WIPI2: variants seen among roughly 807,000 people sequenced by gnomAD.
The protein encoded by WIPI2 is WD repeat domain phosphoinositide-interacting protein 2.
A neutral mutation model predicts 52.3 loss-of-function variants in WIPI2; 28 were observed. That is an observed-to-expected ratio of 0.54 (90% CI 0.40 to 0.73). WIPI2 has a LOEUF of 0.73. Ranked by LOEUF, WIPI2 falls within the 30% of genes least tolerant of loss-of-function variation. The pLI, the probability that WIPI2 is intolerant of heterozygous loss-of-function variation, is 0.00. For synonymous variants in WIPI2, 268 were observed against 245.0 expected (o/e 1.09, Z -0.88); for missense variants, 506 against 602.9 (o/e 0.84, Z 1.68).
At chr7:5,199,037 T>C (rs989719368) in intron 2 of WIPI2, among the ~76,000 whole-genome samples, 3 of 152,220 alleles carry the variant, frequency 2.0e-5, no homozygotes, top group African/African-American at 7.2e-5. Flanking sequence ...TTTCTTTTCT[T>C]GAGACAGTAT....
At chr7:5,199,763 C>T (rs549530223) in intron 3 of WIPI2, 105 bp downstream of exon 3, 6 of 1,130,776 alleles carry the variant, frequency 5.3e-6, no homozygotes, top group Non-Finnish European at 7.5e-6. Context: ...AGTCCAGACA[C>T]CCTCTTACCA....
Position 5,227,402 on chromosome 7 carries a change from G to T in WIPI2, c.1013+58G>T. The T allele has an allele frequency of 3.8e-6, 6 of 1,584,312 alleles. No individual in the cohort carries two copies. Among genetic ancestry groups the T allele is most frequent in the South Asian group, 3.4e-5 (3 of 88,958 alleles). ...CGTGTGCCTCAGGCCGAGGGGCCCA[G>T]TCCTGGCGGCTTGTGGCCCCTTCCG... On this transcript the variant is annotated intron_variant, in intron 10 of 12. Coordinates refer to ENST00000288828, the MANE Select transcript of WIPI2 (RefSeq NM_015610.4). This position sits in a 1 kb window ranked among gnomAD's most constrained non-coding sequence, Gnocchi z 8.1.
chr7:5,232,627 C>T lies in WIPI2; in HGVS notation c.*1680C>T. On this transcript the variant is annotated 3_prime_UTR_variant, in exon 13 of 13. Coordinates refer to ENST00000288828, the MANE Select transcript of WIPI2 (RefSeq NM_015610.4). ...GCAGGGATGAGAAGGGCCGCGGCAG[C>T]ACGCAGCCTTGACCCACGCCTGCGT... 3.6e-6 allele frequency: 1 copy of T among 277,364 alleles called. No homozygotes were observed. Among genetic ancestry groups the T allele is most frequent in the Non-Finnish European group, 6.7e-6 (1 of 149,462 alleles). The allele number at this position is 277,364 out of a possible 1,614,324, so 17.2% of individuals were successfully genotyped here.
At chr7:5,199,268 C>T (rs1011492989) in intron 2 of WIPI2, among the ~76,000 whole-genome samples, 3 of 152,170 alleles carry the variant, frequency 2.0e-5, no homozygotes, top group African/African-American at 7.2e-5. Context: ...TCTTGAACTC[C>T]TGGGCTCAAG....
At chr7:5,219,067 ACCCG>A (rs1782961450) in intron 7 of WIPI2, 5 of 152,142 alleles carry the variant, frequency 3.3e-5, no homozygotes, top group African/African-American at 1.2e-4. Flanking sequence ...TCAGTCTCAC[ACCCG>A]AGTTCTGTAA....
chr7:5,206,561 T>C (rs1452144013), intron 3 of WIPI2, among the ~76,000 whole-genome samples: 1 of 152,218 alleles, frequency 6.6e-6, no homozygotes, highest in East Asian at 1.9e-4. Context: ...CAAGTGATGG[T>C]TGGTGGTATT....
intron 11 of WIPI2, among the ~76,000 whole-genome samples, chr7:5,229,020 T>C (rs1170062217): frequency 6.6e-6 from 1 of 151,104 alleles, no homozygotes; most frequent in African/African-American, 2.4e-5. Flanking sequence ...ACCTAGCTTT[T>C]TGTGTGTGTG....
chr7:5,220,051 G>C (rs1051579602), intron 7 of WIPI2, among the ~76,000 whole-genome samples: 1 of 151,982 alleles, frequency 6.6e-6, no homozygotes. Context: ...GGCCAGGCTG[G>C]TTTCAAACTC....
intron 7 of WIPI2, 124 bp downstream of exon 7, chr7:5,218,138 A>G: frequency 1.0e-6 from 1 of 1,003,430 alleles, no homozygotes; most frequent in East Asian, 2.5e-5. Flanking sequence ...AAGCAAAGAC[A>G]GCCACCCACT....
chr7:5,223,588 C>G (rs191277595), intron 8 of WIPI2, among the ~76,000 whole-genome samples: 2 of 152,308 alleles, frequency 1.3e-5, no homozygotes, highest in African/African-American at 2.4e-5. Context: ...GTGCCTGTTT[C>G]TGCCCTGGAG....
chr7:5,214,153 A>AG, intron 3 of WIPI2: 1 of 746,160 alleles, frequency 1.3e-6, no homozygotes, highest in South Asian at 2.0e-5. Context: ...TATGGAACCC[A>AG]GGGGAAGCAA....
chr7:5,225,691 G>A (rs34429686), intron 8 of WIPI2, 132 bp from the exon 9 acceptor site: 80,703 of 613,068 alleles, frequency 0.13, 6,032 homozygotes, highest in East Asian at 0.27. Context: ...TTGAGAAGGT[G>A]GCTAGAGGGG....
At chr7:5,220,904 G>A (rs371187761) in intron 7 of WIPI2, among the ~76,000 whole-genome samples, 16 of 150,036 alleles carry the variant, frequency 1.1e-4, no homozygotes, top group East Asian at 7.9e-4. Flanking sequence ...AGCGATTCTC[G>A]TGCCTCAGCC....
In WIPI2 at chr7:5,216,677, G is replaced by T. The variant is rs187969282; in HGVS notation, c.478+18G>T. On this transcript the variant is annotated intron_variant, in intron 5 of 12. Coordinates refer to ENST00000288828, the MANE Select transcript of WIPI2 (RefSeq NM_015610.4). The stretch of plus-strand genomic sequence containing the variant: ...CCCTGCAGGTGAGCTAACTTGTGAG[G>T]AGAGAATCCCATTTTTCTGATTTTG... 1.2e-6 allele frequency: 2 copies of T among 1,611,754 alleles called. No individual in the cohort carries two copies. The highest frequency in any genetic ancestry group is 2.7e-5 in the African/African-American group (2 of 74,992).
At position 5,208,433 on chromosome 7, in the gene WIPI2, C is replaced by A. The variant is rs1055602516; in HGVS notation, c.212-6102C>A. Among the ~76,000 whole-genome samples, 22 of 100,300 alleles carry A rather than the reference C, an allele frequency of 2.2e-4. 1 individual carries two copies. Among genetic ancestry groups the A allele is most frequent in the African/African-American group, 7.9e-4 (21 of 26,750 alleles). The allele number at this position is 100,300 out of a possible 152,430, so 65.8% of individuals were successfully genotyped here. A position where few individuals can be genotyped will look rare whatever the true frequency, so the allele number is the denominator to read the frequency against. ...TCATATTTATGTTGTTTTTTTTTTT[C>A]CTTCCATTTATGGTTTTTGCTTTCT... On this transcript the variant is annotated intron_variant, in intron 3 of 12. Coordinates refer to ENST00000288828, the MANE Select transcript of WIPI2 (RefSeq NM_015610.4).
At chr7:5,204,338 G>A (rs1562389945) in intron 3 of WIPI2, among the ~76,000 whole-genome samples, 1 of 152,076 alleles carries the variant, frequency 6.6e-6, no homozygotes, top group African/African-American at 2.4e-5. Flanking sequence ...ATGGTGGCGC[G>A]CTCCTGTAAT....
chr7:5,213,879 G>A (rs2115269982), intron 3 of WIPI2, among the ~76,000 whole-genome samples: 1 of 152,218 alleles, frequency 6.6e-6, no homozygotes, highest in South Asian at 2.1e-4. Context: ...TAGAGATGGG[G>A]TTTCACCATG....
chr7:5,206,265 G>A (rs998632502), intron 3 of WIPI2, among the ~76,000 whole-genome samples: 1 of 152,130 alleles, frequency 6.6e-6, no homozygotes, highest in Non-Finnish European at 1.5e-5. Flanking sequence ...AAGGATGCTT[G>A]CCTGTGTCCT....
chr7:5,225,329 CGGGG>C (rs1364221289), intron 8 of WIPI2, among the ~76,000 whole-genome samples: 1 of 151,896 alleles, frequency 6.6e-6, no homozygotes, highest in Non-Finnish European at 1.5e-5. Context: ...TTAGTAGAGA[CGGGG>C]GGTTTCACCA....
Sources: gnomAD v4.1 joint callset for allele counts (sites outside exome capture counted in the v4.1 genomes callset) on GRCh38, gnomAD v4.1.1 for gene constraint, Gnocchi (gnomAD v3.1) non-coding constraint, MANE v1.5 for transcripts, NCBI Gene and HGNC (gene_info 2026-07-23, HGNC 2026-07-21) for gene names.